Variants in CRB1 observed in about 807,000 individuals in gnomAD.
The protein encoded by CRB1 is protein crumbs homolog 1.
A neutral mutation model predicts 120.0 loss-of-function variants in CRB1; 83 were observed. The ratio of observed to expected loss-of-function variants is 0.69; its 90% confidence interval spans 0.58 to 0.83. CRB1 has a LOEUF of 0.83. Among genes scored for constraint, CRB1 ranks in the 40% least tolerant of loss-of-function variants. The pLI is 0.00. For synonymous variants in CRB1, 625 were observed against 612.5 expected (o/e 1.02, Z -0.30); for missense variants, 1,699 against 1,687.6 (o/e 1.01, Z -0.12).
chr1:197,347,471 G>A lies in CRB1; in HGVS notation c.980G>A (p.Cys327Tyr). ...EDSVDNYTCH[C>Y]WPGYTGAQCE... ...AGTGTTGACAATTACACTTGTCACT[G>A]CTGGCCTGGTGAGTGACAAAATACC... Residue 327 changes from cysteine (C) to tyrosine (Y), a missense_variant, in exon 4 of 12, where the codon TGC (cysteine) becomes TAC (tyrosine). By Grantham distance (194) the Cys-to-Tyr change is radical. Coordinates refer to ENST00000367400, the MANE Select transcript of CRB1 (RefSeq NM_201253.3). 1 of 1,614,076 alleles carries A rather than the reference G, an allele frequency of 6.2e-7. No homozygotes were observed. Among genetic ancestry groups the A allele is most frequent in the Non-Finnish European group, 8.5e-7 (1 of 1,179,966 alleles).
At chr1:197,342,887 C>A (rs1174857721) in intron 2 of CRB1, among the ~76,000 whole-genome samples, 2 of 152,132 alleles carry the variant, frequency 1.3e-5, no homozygotes. Flanking sequence ...AATTTATGTT[C>A]TTTCCACTCT....
At chr1:197,375,415 A>G (rs1661592798) in intron 5 of CRB1, among the ~76,000 whole-genome samples, 1 of 152,288 alleles carries the variant, frequency 6.6e-6, no homozygotes, top group South Asian at 2.1e-4. Flanking sequence ...GCAGTAAGCC[A>G]ATCTGTTTTT....
At chr1:197,449,062 A>G (rs1361811189) in intron 11 of CRB1, among the ~76,000 whole-genome samples, 3 of 152,246 alleles carry the variant, frequency 2.0e-5, no homozygotes, top group African/African-American at 7.2e-5. Context: ...TAAGAATACA[A>G]ATTCATAGTG....
chr1:197,264,094 T>C (rs564855481), upstream of CRB1, among the ~76,000 whole-genome samples: 1 of 152,320 alleles, frequency 6.6e-6, no homozygotes, highest in African/African-American at 2.4e-5. Flanking sequence ...ATTATACCCA[T>C]TAAGTAACTT....
intron 11 of CRB1, among the ~76,000 whole-genome samples, chr1:197,474,483 T>C (rs1336959291): frequency 6.6e-6 from 1 of 152,186 alleles, no homozygotes; most frequent in Non-Finnish European, 1.5e-5. Context: ...AAGGACTTGG[T>C]TCCTCAGGAG....
chr1:197,366,758 C>T (rs989578080), intron 5 of CRB1, among the ~76,000 whole-genome samples: 7 of 152,040 alleles, frequency 4.6e-5, no homozygotes, highest in African/African-American at 7.2e-5. Context: ...AATTTCCAGC[C>T]GGTAAAGCAA....
intron 4 of CRB1, among the ~76,000 whole-genome samples, chr1:197,352,310 C>T (rs10922200): frequency 0.15 from 23,298 of 152,042 alleles, 2,690 homozygotes; most frequent in African/African-American, 0.31. Context: ...ACAGGACTGG[C>T]AAGACTATAA....
chr1:197,344,421 G>A lies in CRB1; in HGVS notation c.793G>A (p.Glu265Lys), dbSNP rs764899896. 5.6e-6 allele frequency: 9 copies of A among 1,613,954 alleles called. No individual in the cohort carries two copies. The highest frequency in any genetic ancestry group is 7.6e-6 in the Non-Finnish European group (9 of 1,180,016). The change falls in exon 3 of 12, where the codon GAG becomes AAG. Residue 265 changes from glutamate to lysine, a missense_variant. Physicochemically the swap from Glu to Lys is moderately conservative, Grantham distance 56. Transcript: ENST00000367400. ...GGATCACTGTGAACTCAACACTGAT[G>A]AGTGTGCCAGTCAACCTTGTCTCCA... is the stretch of plus-strand genomic sequence containing the variant. ...LGDHCELNTDECASQPCLHGG... is the reference protein window; with the variant it reads ...LGDHCELNTDKCASQPCLHGG...
At chr1:197,363,999 G>A (rs553726930) in intron 5 of CRB1, 5 of 1,387,844 alleles carry the variant, frequency 3.6e-6, no homozygotes, top group South Asian at 1.2e-5. Context: ...AAAAGTGCCG[G>A]CGGATCTACA....
chr1:197,308,314 G>GGGT (rs1336595165), intron 1 of CRB1, among the ~76,000 whole-genome samples: 1 of 152,110 alleles, frequency 6.6e-6, no homozygotes, highest in Non-Finnish European at 1.5e-5. Context: ...GCTACCTATT[G>GGGT]GGTACTATAC....
intron 5 of CRB1, among the ~76,000 whole-genome samples, chr1:197,384,551 A>G (rs1440069699): frequency 6.6e-6 from 1 of 152,050 alleles, no homozygotes; most frequent in East Asian, 1.9e-4. Flanking sequence ...TCTTAAATGT[A>G]TTTTCGACAT....
the CRB1 span, among the ~76,000 whole-genome samples, chr1:197,221,262 A>G: frequency 6.6e-6 from 1 of 152,212 alleles, no homozygotes; most frequent in Non-Finnish European, 1.5e-5. Context: ...TAACTGCCTG[A>G]TAGTATGCCA....
At chr1:197,226,331 C>G in the CRB1 span, among the ~76,000 whole-genome samples, 1 of 152,190 alleles carries the variant, frequency 6.6e-6, no homozygotes, top group African/African-American at 2.4e-5. Flanking sequence ...AAGATCATTT[C>G]TACCTGAAGT....
chr1:197,393,697 T>G (rs1360825633), intron 5 of CRB1, among the ~76,000 whole-genome samples: 1 of 152,128 alleles, frequency 6.6e-6, no homozygotes, highest in East Asian at 1.9e-4. Context: ...CTTCACCCGA[T>G]GTAATTTACA....
the CRB1 span, among the ~76,000 whole-genome samples, chr1:197,228,275 C>T: frequency 6.6e-6 from 1 of 152,188 alleles, no homozygotes; most frequent in Non-Finnish European, 1.5e-5. Flanking sequence ...CGTCAGGCTG[C>T]AAATTTTCTG....
At chr1:197,380,205 T>C (rs1046941094) in intron 5 of CRB1, among the ~76,000 whole-genome samples, 55 of 152,178 alleles carry the variant, frequency 3.6e-4, no homozygotes, top group African/African-American at 1.3e-3. Context: ...TCAAAAGTTT[T>C]GGCAAAGAAA....
chr1:197,477,829 G>A lies in CRB1; in HGVS notation c.4171G>A (p.Val1391Met), dbSNP rs758824025. ...CCGTCAGGAGAAGGAGGGCTCCCGA[G>A]TGGAAATGTGGAACTTGATGCCACC... ...PSRQEKEGSR[V>M]EMWNLMPPPA... Residue 1391 changes from valine (V) to methionine (M), a missense_variant, in exon 12 of 12, where the codon GTG becomes ATG. By Grantham distance (21) the Val-to-Met change is conservative. Transcript: ENST00000367400. The A allele has an allele frequency of 1.2e-6, 2 of 1,613,910 alleles. No homozygotes were observed. The highest frequency in any genetic ancestry group is 1.7e-6 in the Non-Finnish European group (2 of 1,179,874).
chr1:197,469,249 G>C (rs1666878380), intron 11 of CRB1, among the ~76,000 whole-genome samples: 1 of 152,114 alleles, frequency 6.6e-6, no homozygotes, highest in Non-Finnish European at 1.5e-5. Context: ...AATCAAAATT[G>C]GCAATTTATA....
intron 11 of CRB1, among the ~76,000 whole-genome samples, chr1:197,451,143 C>T (rs990211058): frequency 6.6e-6 from 1 of 152,068 alleles, no homozygotes; most frequent in African/African-American, 2.4e-5. Context: ...ATCTGAATGA[C>T]CGTATTTCAG....
Sources: gnomAD v4.1 joint callset for allele counts (sites outside exome capture counted in the v4.1 genomes callset) on GRCh38, gnomAD v4.1.1 for gene constraint, MANE v1.5 for transcripts, NCBI Gene and HGNC (gene_info 2026-07-23, HGNC 2026-07-21) for gene names.